The following BOC variants were observed in gnomAD, a reference collection of about 807,000 sequenced individuals.
BOC encodes the protein brother of CDO.
A neutral mutation model predicts 112.0 loss-of-function variants in BOC; 76 were observed. The observed-to-expected ratio is 0.68, with a 90% CI of 0.56 to 0.82. BOC has a LOEUF of 0.82. BOC is among the 40% of genes least tolerant of loss of function. The pLI is 0.00. For synonymous variants in BOC, 580 were observed against 599.8 expected (o/e 0.97, Z 0.48); for missense variants, 1,309 against 1,511.7 (o/e 0.87, Z 2.22).
chr3:113,222,905 A>G (rs548753398), intron 2 of BOC, among the ~76,000 whole-genome samples: 160 of 152,346 alleles, frequency 1.1e-3, no homozygotes, highest in African/African-American at 3.7e-3. Context: ...AGTTCCCCAC[A>G]CACCAGAGAG....
intron 19 of BOC, among the ~76,000 whole-genome samples, chr3:113,286,033 G>C (rs1038443205): frequency 5.3e-5 from 8 of 152,052 alleles, no homozygotes; most frequent in Non-Finnish European, 1.0e-4. Context: ...ATAACTCTTT[G>C]TACTTCCACG....
chr3:113,242,568 C>G (rs999495618), intron 2 of BOC, among the ~76,000 whole-genome samples: 2 of 151,966 alleles, frequency 1.3e-5, no homozygotes, highest in African/African-American at 4.8e-5. Flanking sequence ...TGGCTCCTTC[C>G]CTTTCTGCTT....
At chr3:113,251,304 C>G (rs1303684935) in intron 4 of BOC, 3 of 213,780 alleles carry the variant, frequency 1.4e-5, no homozygotes, top group Non-Finnish European at 2.8e-5. Flanking sequence ...TGGACAGAGC[C>G]CACCCAGCCC....
chr3:113,281,273 A>C, intron 15 of BOC, 120 bp downstream of exon 15: 1 of 1,225,930 alleles, frequency 8.2e-7, no homozygotes. Context: ...TTGTTTTCCA[A>C]ATACCCTCAG....
At chr3:113,272,118 TTC>T (rs1948184752) in intron 6 of BOC, 2 of 480,762 alleles carry the variant, frequency 4.2e-6, no homozygotes, top group Admixed American at 3.4e-5. Context: ...TCCCTCACCT[TTC>T]TCTCTTTGCC....
chr3:113,275,105 C>A (rs1437797690), intron 9 of BOC, among the ~76,000 whole-genome samples: 1 of 152,182 alleles, frequency 6.6e-6, no homozygotes, highest in African/African-American at 2.4e-5. Flanking sequence ...CCTGCAGGAA[C>A]CCTGGCATGG....
At chr3:113,239,428 T>C (rs1471750043) in intron 2 of BOC, among the ~76,000 whole-genome samples, 1 of 152,038 alleles carries the variant, frequency 6.6e-6, no homozygotes, top group African/African-American at 2.4e-5. Context: ...AGTAGACAAG[T>C]TTATGTTTGT....
intron 8 of BOC, among the ~76,000 whole-genome samples, chr3:113,273,868 G>A (rs1458971199): frequency 6.6e-6 from 1 of 152,210 alleles, no homozygotes; most frequent in African/African-American, 2.4e-5. Context: ...ACAGGTGCTG[G>A]CAGATTCTGT....
At chr3:113,242,217 G>A (rs1944399615) in intron 2 of BOC, among the ~76,000 whole-genome samples, 1 of 152,076 alleles carries the variant, frequency 6.6e-6, no homozygotes, top group Admixed American at 6.5e-5. Flanking sequence ...ATATGAAACA[G>A]GAGTGGGGGA....
rs1948247014 is a variant in BOC, at chr3:113,272,656, T to C, written c.914T>C (p.Val305Ala). 1 of 1,613,738 alleles carries C rather than the reference T, an allele frequency of 6.2e-7. No homozygotes were observed. Among genetic ancestry groups the C allele is most frequent in the Admixed American group, 1.7e-5 (1 of 59,990 alleles). The change falls in exon 7 of 20, where the codon GTT becomes GCT. Residue 305 changes from valine (V) to alanine (A), a missense_variant. By Grantham distance (64) the Val-to-Ala change is moderately conservative. Transcript: ENST00000682979. ...GTYRCMADNG[V>A]GQPGAAVILY... ...TACCGCTGCATGGCCGACAATGGGGTTGGGCAGCCCGGGGCAGCGGTCATC... is the reference window on the plus strand; with the variant it reads ...TACCGCTGCATGGCCGACAATGGGGCTGGGCAGCCCGGGGCAGCGGTCATC...
intron 2 of BOC, among the ~76,000 whole-genome samples, chr3:113,244,432 A>G (rs2107298361): frequency 6.6e-6 from 1 of 152,356 alleles, no homozygotes; most frequent in East Asian, 1.9e-4. Flanking sequence ...TTATACTTAA[A>G]AACATCAAAC....
At chr3:113,263,136 C>G (rs1947074374) in intron 4 of BOC, among the ~76,000 whole-genome samples, 1 of 152,242 alleles carries the variant, frequency 6.6e-6, no homozygotes, top group Non-Finnish European at 1.5e-5. Context: ...CAAGTTGAGG[C>G]TTGGAGGTTG....
chr3:113,219,855 G>A (rs192685483), intron 2 of BOC, among the ~76,000 whole-genome samples: 1 of 152,284 alleles, frequency 6.6e-6, no homozygotes, highest in African/African-American at 2.4e-5. Context: ...TGGTGAAAGC[G>A]ACCTCCAACT....
At chr3:113,225,071 C>T (rs1246767991) in intron 2 of BOC, among the ~76,000 whole-genome samples, 1 of 149,804 alleles carries the variant, frequency 6.7e-6, no homozygotes, top group African/African-American at 2.5e-5. Flanking sequence ...GGTGAGACTC[C>T]GTCTCAAAAA....
chr3:113,239,352 G>C (rs1943992645), intron 2 of BOC, among the ~76,000 whole-genome samples: 1 of 152,202 alleles, frequency 6.6e-6, no homozygotes, highest in African/African-American at 2.4e-5. Flanking sequence ...CAGGAGACAA[G>C]ATGACTCCAA....
In BOC at chr3:113,274,497, A is replaced by G. The variant is rs139036160; in HGVS notation, c.1357A>G (p.Thr453Ala). ...RGQPALPRPP[T>A]SVGPASPQCP... ...GCAACCGGCGCTCCCCAGACCCCCA[A>G]CGTCAGTGGGGCCTGCTTCCCCGCA... Residue 453 changes from threonine (T) to alanine (A), a missense_variant, in exon 9 of 20, where the codon ACG (threonine) becomes GCG (alanine). Thr to Ala is a moderately conservative substitution (Grantham distance 58). Transcript: ENST00000682979. The surrounding 1 kb of genome is among the most constrained non-coding windows in gnomAD (Gnocchi z 4.8). The G allele has an allele frequency of 2.1e-4, 342 of 1,612,704 alleles. 5 individuals are homozygous for G. The highest frequency in any genetic ancestry group is 1.8e-3 in the South Asian group (168 of 91,048).
chr3:113,237,549 AAGATG>A (rs1250101949), intron 2 of BOC, among the ~76,000 whole-genome samples: 3 of 152,164 alleles, frequency 2.0e-5, no homozygotes, highest in African/African-American at 7.2e-5. Context: ...TTCATTTTGG[AAGATG>A]AGATGAGAAG....
At chr3:113,219,143 G>T (rs1465862862) in intron 2 of BOC, among the ~76,000 whole-genome samples, 1 of 152,254 alleles carries the variant, frequency 6.6e-6, no homozygotes, top group Non-Finnish European at 1.5e-5. Context: ...CACACAAGCA[G>T]CAGGTACCCT....
chr3:113,213,864 C>T (rs1938771394), intron 1 of BOC, among the ~76,000 whole-genome samples: 1 of 152,264 alleles, frequency 6.6e-6, no homozygotes, highest in East Asian at 1.9e-4. Flanking sequence ...CCTCATTGGG[C>T]CACTTTGCTG....
Sources: allele counts gnomAD v4.1 joint callset (sites outside exome capture counted in the v4.1 genomes callset), GRCh38; gene constraint gnomAD v4.1.1; non-coding constraint Gnocchi (gnomAD v3.1); transcripts MANE v1.5; gene names NCBI Gene and HGNC (gene_info 2026-07-23, HGNC 2026-07-21).